Variants in PPP2R2D observed in about 807,000 individuals in gnomAD.
PPP2R2D encodes protein phosphatase 2 regulatory subunit Bdelta.
PPP2R2D carries 9 observed loss-of-function variants against 31.1 expected under a neutral mutation model. The observed-to-expected ratio is 0.29, with a 90% CI of 0.17 to 0.51. The LOEUF (loss-of-function observed/expected upper bound fraction) is 0.51, where lower values mean the gene tolerates loss of function less well. PPP2R2D is among the 20% of genes least tolerant of loss of function. The pLI is 0.98. For synonymous variants in PPP2R2D, 179 were observed against 172.6 expected, an observed-to-expected ratio of 1.04 and a Z score of -0.29; for missense variants, 391 against 465.6, an observed-to-expected ratio of 0.84 and a Z score of 1.48.
chr10:131,933,540 T>C (rs1177166029), intron 2 of PPP2R2D, among the ~76,000 whole-genome samples: 1 of 152,108 alleles, frequency 6.6e-6, no homozygotes, highest in Non-Finnish European at 1.5e-5. Flanking sequence ...ACTGTGGCCA[T>C]AGGACAAGCT....
At chr10:131,940,500 C>T in intron 4 of PPP2R2D, 82 bp from the exon 5 acceptor site, 1 of 671,098 alleles carries the variant, frequency 1.5e-6, no homozygotes, top group Non-Finnish European at 2.7e-6. Flanking sequence ...GACCACACCG[C>T]TTTCTAATAC....
Position 131,947,429 on chromosome 10 carries a change from T to C in PPP2R2D, c.821-101T>C. On this transcript the variant is annotated intron_variant, in intron 7 of 8. Coordinates refer to ENST00000455566, the MANE Select transcript of PPP2R2D (RefSeq NM_018461.5). The surrounding 1 kb of genome is among the most constrained non-coding windows in gnomAD (Gnocchi z 4.3). ...AGACCTAGTGTTGAGGCCAAGCCCT[T>C]CCAGAGTCTCTCTGAAGGGGCCACT... is the stretch of plus-strand genomic sequence containing the variant. 7.7e-7 allele frequency: 1 copy of C among 1,294,694 alleles called. No individual in the cohort carries two copies. The allele number at this position is 1,294,694 out of a possible 1,614,324, so 80.2% of individuals were successfully genotyped here.
At chr10:131,911,075 G>C (rs1051095856) in intron 2 of PPP2R2D, among the ~76,000 whole-genome samples, 43,594 of 152,058 alleles carry the variant, frequency 0.29, 6,388 homozygotes, top group East Asian at 0.45. Flanking sequence ...TGCTCAGTGA[G>C]GGTTGTGGAC....
At chr10:131,960,277 A>C (rs993879117), downstream of PPP2R2D, among the ~76,000 whole-genome samples, 1 of 152,244 alleles carries the variant, frequency 6.6e-6, no homozygotes, top group Non-Finnish European at 1.5e-5. Context: ...GAACAGTGTC[A>C]TCAGCTTCTG....
At position 131,956,569 on chromosome 10, in the gene PPP2R2D, AT is replaced by A; in HGVS notation, c.*609del. 1 of 984,006 alleles carries A rather than the reference AT, an allele frequency of 1.0e-6. No homozygotes were observed. Among genetic ancestry groups the A allele is most frequent in the Non-Finnish European group, 1.2e-6 (1 of 828,604 alleles). The allele number at this position is 984,006 out of a possible 1,614,324, so 61.0% of individuals were successfully genotyped here. On this transcript the variant is annotated 3_prime_UTR_variant, in exon 9 of 9. Coordinates refer to ENST00000455566, the MANE Select transcript of PPP2R2D (RefSeq NM_018461.5). ...ATCCAAACAGAAGTATTGTCTTTTT[AT>A]TTAATTTTATTGCATAGAATGAAGT...
rs375294535 is a variant in PPP2R2D, at chr10:131,955,243, T to G, written c.1083-441T>G. Among the ~76,000 whole-genome samples the G allele has an allele frequency of 8.5e-5, 13 of 152,332 alleles. 1 individual carries two copies. The highest frequency in any genetic ancestry group is 3.1e-4 in the African/African-American group (13 of 41,578). ...TCATTTGAAAGAAACTTTTTGAAAT[T>G]AATAGAAAAGCAGTTTAACTCCAAA... On this transcript the variant is annotated intron_variant, in intron 8 of 8. Transcript: ENST00000455566.
intron 2 of PPP2R2D, among the ~76,000 whole-genome samples, chr10:131,905,695 G>A (rs1373037337): frequency 2.6e-5 from 4 of 152,112 alleles, no homozygotes; most frequent in Admixed American, 6.6e-5. Context: ...TGCAGAATCC[G>A]AGGCGTGGGA....
chr10:131,907,691 G>A (rs1159355497), intron 2 of PPP2R2D, among the ~76,000 whole-genome samples: 1 of 151,332 alleles, frequency 6.6e-6, no homozygotes, highest in African/African-American at 2.4e-5. Context: ...TGCAGTGAGC[G>A]GAGATCACGC....
downstream of PPP2R2D, among the ~76,000 whole-genome samples, chr10:131,960,910 T>C (rs1412472582): frequency 1.3e-5 from 2 of 152,126 alleles, no homozygotes; most frequent in East Asian, 1.9e-4. Context: ...ATGGGCTTGC[T>C]GTATGAGGGC....
chr10:131,955,770 A>G lies in PPP2R2D; in HGVS notation c.1169A>G (p.Glu390Gly). The change falls in exon 9 of 9, where the codon GAG becomes GGG. Residue 390 changes from glutamate to glycine, a missense_variant. Transcript: ENST00000455566. ...RRDVTLEASRESSKPRASLKP... is the reference protein window; with the variant it reads ...RRDVTLEASRGSSKPRASLKP... ...GATGTGACCCTGGAGGCCTCGAGAG[A>G]GAGCAGCAAACCGCGCGCCAGCCTC... 1 of 1,586,662 alleles carries G rather than the reference A, an allele frequency of 6.3e-7. No homozygotes were observed. The highest frequency in any genetic ancestry group is 8.6e-7 in the Non-Finnish European group (1 of 1,163,356).
At chr10:131,949,063 G>A (rs1186753220) in intron 8 of PPP2R2D, among the ~76,000 whole-genome samples, 3 of 152,222 alleles carry the variant, frequency 2.0e-5, no homozygotes, top group Non-Finnish European at 4.4e-5. Flanking sequence ...TGCGGGCATC[G>A]GGAGGGACCG....
chr10:131,971,157 C>T, the PPP2R2D span: 1 of 602,226 alleles, frequency 1.7e-6, no homozygotes. Context: ...CGCCGCACTC[C>T]CGGCTCACAG....
chr10:131,963,947 G>A (rs541488291), downstream of PPP2R2D, among the ~76,000 whole-genome samples: 1 of 152,096 alleles, frequency 6.6e-6, no homozygotes, highest in Non-Finnish European at 1.5e-5. Flanking sequence ...TCCTGTCCAG[G>A]GCCCTCCCAA....
At chr10:131,910,731 A>T (rs2035668488) in intron 2 of PPP2R2D, among the ~76,000 whole-genome samples, 1 of 152,092 alleles carries the variant, frequency 6.6e-6, no homozygotes, top group African/African-American at 2.4e-5. Context: ...AGGGCCGGCA[A>T]CCCCTGGGTA....
the PPP2R2D span, among the ~76,000 whole-genome samples, chr10:131,965,564 A>G: frequency 1.2e-3 from 180 of 152,318 alleles, no homozygotes; most frequent in African/African-American, 3.8e-3. Flanking sequence ...ATTCTGCCTC[A>G]GCCTCCCAAG....
downstream of PPP2R2D, among the ~76,000 whole-genome samples, chr10:131,961,448 G>A (rs1416568023): frequency 1.3e-5 from 2 of 152,118 alleles, no homozygotes; most frequent in African/African-American, 4.8e-5. Flanking sequence ...GCAGGTGGGC[G>A]CTGGGCCAGG....
chr10:131,954,448 C>G (rs1361730278), intron 8 of PPP2R2D, among the ~76,000 whole-genome samples: 1 of 152,248 alleles, frequency 6.6e-6, no homozygotes, highest in African/African-American at 2.4e-5. Flanking sequence ...GTCAATGGCC[C>G]TCACGTGCCA....
the PPP2R2D span, among the ~76,000 whole-genome samples, chr10:131,964,980 A>G: frequency 6.6e-6 from 1 of 151,906 alleles, no homozygotes; most frequent in Non-Finnish European, 1.5e-5. Context: ...TGCCTTATTC[A>G]CCCTAATTTT....
chr10:131,955,558 G>A, intron 8 of PPP2R2D, 126 bp from the exon 9 acceptor site: 1 of 783,200 alleles, frequency 1.3e-6, no homozygotes, highest in Non-Finnish European at 1.8e-6. Context: ...GATCATTCCT[G>A]ATTTCTGAAA....
Sources: gnomAD v4.1 joint callset for allele counts (sites outside exome capture counted in the v4.1 genomes callset) on GRCh38, gnomAD v4.1.1 for gene constraint, Gnocchi (gnomAD v3.1) non-coding constraint, MANE v1.5 for transcripts, NCBI Gene and HGNC (gene_info 2026-07-23, HGNC 2026-07-21) for gene names.